NPAS3: variants seen among roughly 807,000 people sequenced by gnomAD.
NPAS3 encodes neuronal PAS domain protein 3, also known as neuronal PAS domain-containing protein 3.
In NPAS3, 14 loss-of-function variants were observed where a neutral mutation model predicts 73.1. That is an observed-to-expected ratio of 0.19 (90% CI 0.13 to 0.30). The LOEUF is 0.30. NPAS3 is among the 10% of genes least tolerant of loss of function. The pLI, the probability that NPAS3 is intolerant of heterozygous loss-of-function variation, is 1.00. For missense variants in NPAS3, 1,096 were observed against 1,250.0 expected (o/e 0.88, Z 1.86); for synonymous variants, 620 against 541.5 (o/e 1.14, Z -2.01).
At chr14:33,457,502 G>A (rs2050074713) in intron 4 of NPAS3, among the ~76,000 whole-genome samples, 1 of 152,136 alleles carries the variant, frequency 6.6e-6, no homozygotes, top group South Asian at 2.1e-4. Context: ...TGCTGAGAAG[G>A]GCATAGCAGG....
At chr14:33,059,661 G>A (rs143251529) in intron 2 of NPAS3, among the ~76,000 whole-genome samples, 70 of 152,314 alleles carry the variant, frequency 4.6e-4, no homozygotes, top group African/African-American at 1.6e-3. Context: ...CTGTAAAGTA[G>A]TGGATTTCAT....
intron 3 of NPAS3, among the ~76,000 whole-genome samples, chr14:33,307,882 A>T (rs1363433684): frequency 6.6e-6 from 1 of 152,042 alleles, no homozygotes; most frequent in East Asian, 1.9e-4. Flanking sequence ...TGCCTGGGTG[A>T]GTCATTACGT....
chr14:33,765,823 C>T (rs2062445500), intron 7 of NPAS3, among the ~76,000 whole-genome samples: 1 of 152,142 alleles, frequency 6.6e-6, no homozygotes, highest in Admixed American at 6.5e-5. Context: ...TCCTGCCAGC[C>T]ACTGTCATAC....
At chr14:33,051,267 C>T (rs1186160249) in intron 1 of NPAS3, among the ~76,000 whole-genome samples, 4 of 105,124 alleles carry the variant, frequency 3.8e-5, no homozygotes, top group African/African-American at 2.1e-4. Flanking sequence ...GGCAACAGAG[C>T]GAGACTCCGT....
At chr14:32,949,100 T>C (rs1048295429) in intron 1 of NPAS3, among the ~76,000 whole-genome samples, 6 of 152,146 alleles carry the variant, frequency 3.9e-5, no homozygotes, top group African/African-American at 1.4e-4. Context: ...AGAATGGCTT[T>C]CTGTATTTTC....
chr14:33,126,576 T>C (rs1192611556), intron 2 of NPAS3, among the ~76,000 whole-genome samples: 2 of 152,000 alleles, frequency 1.3e-5, no homozygotes, highest in Non-Finnish European at 2.9e-5. Flanking sequence ...GCAAGAGGCA[T>C]GAACATGGAG....
chr14:33,315,681 G>A (rs564220794), intron 3 of NPAS3, among the ~76,000 whole-genome samples: 1 of 152,150 alleles, frequency 6.6e-6, no homozygotes, highest in South Asian at 2.1e-4. Context: ...CTGGGAGGAG[G>A]TTGAGGATGG....
At chr14:33,461,255 G>C (rs1289656279) in intron 4 of NPAS3, among the ~76,000 whole-genome samples, 1 of 152,152 alleles carries the variant, frequency 6.6e-6, no homozygotes, top group Non-Finnish European at 1.5e-5. Context: ...CAAAAGACAG[G>C]AATGTCTGTT....
rs866766730 is a variant in NPAS3 at position 33,544,843 on chromosome 14, T to A, written c.469-15278T>A. On this transcript the variant is annotated intron_variant, in intron 4 of 11. Transcript: ENST00000356141. ...ATAATATATATGTGTATATATATAT[T>A]ATATATATGTGTATATATAATATAT... 5.0e-3 allele frequency among the ~76,000 whole-genome samples: 585 copies of A among 117,416 alleles called. 13 individuals carry two copies. The highest frequency in any genetic ancestry group is 0.033 in the Middle Eastern group (7 of 212). 77.0% of individuals were successfully genotyped at this position (117,416 alleles called of 152,430 possible).
exon 1 of NPAS3, chr14:32,939,351 C>T (rs746331065): frequency 1.4e-6 from 1 of 725,472 alleles, no homozygotes; most frequent in South Asian, 1.4e-5. Flanking sequence ...CAGCAGGATC[C>T]TTCCAGGCGA....
At chr14:33,119,039 T>G (rs778613409) in intron 2 of NPAS3, among the ~76,000 whole-genome samples, 1 of 151,748 alleles carries the variant, frequency 6.6e-6, no homozygotes, top group Non-Finnish European at 1.5e-5. Context: ...AAAAAGAACA[T>G]TTTTTTTCCA....
chr14:33,413,111 C>T (rs1008102518), intron 4 of NPAS3, among the ~76,000 whole-genome samples: 7 of 152,120 alleles, frequency 4.6e-5, no homozygotes, highest in Non-Finnish European at 8.8e-5. Context: ...TCAATAATAT[C>T]CCTTGGTCAA....
At chr14:33,675,531 A>G (rs2059737029) in intron 5 of NPAS3, among the ~76,000 whole-genome samples, 1 of 152,268 alleles carries the variant, frequency 6.6e-6, no homozygotes, top group East Asian at 1.9e-4. Flanking sequence ...TATGTATCCT[A>G]TTAGATTGAA....
At chr14:32,978,466 T>C (rs1468336187) in intron 1 of NPAS3, among the ~76,000 whole-genome samples, 3 of 152,182 alleles carry the variant, frequency 2.0e-5, no homozygotes, top group Non-Finnish European at 4.4e-5. Flanking sequence ...AACTTCTGTC[T>C]TGAGCACAGC....
At chr14:33,629,337 A>G (rs2058314828) in intron 5 of NPAS3, among the ~76,000 whole-genome samples, 2 of 152,280 alleles carry the variant, frequency 1.3e-5, no homozygotes, top group Non-Finnish European at 2.9e-5. Flanking sequence ...GCATTGCTAT[A>G]GGAAGAAAGA....
intron 5 of NPAS3, among the ~76,000 whole-genome samples, chr14:33,659,503 T>G (rs1468731184): frequency 6.6e-6 from 1 of 152,172 alleles, no homozygotes; most frequent in Non-Finnish European, 1.5e-5. Flanking sequence ...ATGTACCTTG[T>G]TTGTCTGGCT....
chr14:33,063,503 G>T (rs183979579), intron 2 of NPAS3, among the ~76,000 whole-genome samples: 1 of 152,220 alleles, frequency 6.6e-6, no homozygotes, highest in East Asian at 1.9e-4. Flanking sequence ...TTCATTTGTG[G>T]TGGAATTAGG....
chr14:33,499,766 C>G (rs936097490), intron 4 of NPAS3, among the ~76,000 whole-genome samples: 3 of 151,928 alleles, frequency 2.0e-5, no homozygotes, highest in African/African-American at 7.2e-5. Flanking sequence ...GAACAGCGCC[C>G]CACACACTGA....
At chr14:33,682,553 C>A (rs773395807) in intron 6 of NPAS3, among the ~76,000 whole-genome samples, 7 of 152,172 alleles carry the variant, frequency 4.6e-5, no homozygotes, top group Non-Finnish European at 8.8e-5. Context: ...TAGAATGATT[C>A]TTTTGCCTCA....
Sources: gnomAD v4.1 joint callset for allele counts (sites outside exome capture counted in the v4.1 genomes callset) on GRCh38, gnomAD v4.1.1 for gene constraint, MANE v1.5 for transcripts, NCBI Gene and HGNC (gene_info 2026-07-23, HGNC 2026-07-21) for gene names.